CHCHD3: variants seen among roughly 807,000 people sequenced by gnomAD.
CHCHD3 encodes the protein MICOS complex subunit MIC19.
In CHCHD3, 20 loss-of-function variants were observed where a neutral mutation model predicts 38.2. The ratio of observed to expected loss-of-function variants is 0.52; its 90% confidence interval spans 0.37 to 0.76. The LOEUF is 0.76. Among genes scored for constraint, CHCHD3 ranks in the 30% least tolerant of loss-of-function variants. CHCHD3 has a pLI of 0.00. For missense variants in CHCHD3, 245 were observed against 279.2 expected, an observed-to-expected ratio of 0.88 and a Z score of 0.87; for synonymous variants, 82 against 100.0, an observed-to-expected ratio of 0.82 and a Z score of 1.07.
intron 2 of CHCHD3, among the ~76,000 whole-genome samples, chr7:133,036,711 C>T (rs777739742): frequency 1.3e-5 from 2 of 151,994 alleles, no homozygotes; most frequent in Non-Finnish European, 1.5e-5. Context: ...GATGAAATGC[C>T]GTAGAATGAG....
At chr7:133,071,088 A>C (rs1005804892) in intron 1 of CHCHD3, among the ~76,000 whole-genome samples, 1 of 152,192 alleles carries the variant, frequency 6.6e-6, no homozygotes, top group Non-Finnish European at 1.5e-5. Context: ...GCTCTGAGGA[A>C]CACACAGCCT....
chr7:132,907,939 T>C (rs10269919), intron 4 of CHCHD3, among the ~76,000 whole-genome samples: 3,451 of 149,292 alleles, frequency 0.023, 72 homozygotes, highest in East Asian at 0.11. Context: ...CAAACCACGG[T>C]CAAAAACCCA....
intron 3 of CHCHD3, among the ~76,000 whole-genome samples, chr7:132,986,742 T>C (rs960317719): frequency 6.6e-6 from 1 of 152,184 alleles, no homozygotes; most frequent in Non-Finnish European, 1.5e-5. Context: ...AAAAGTGCCC[T>C]ACTCTAGAAA....
intron 4 of CHCHD3, among the ~76,000 whole-genome samples, chr7:132,908,503 T>A (rs1264041693): frequency 6.6e-6 from 1 of 152,212 alleles, no homozygotes; most frequent in Non-Finnish European, 1.5e-5. Context: ...TGCACTTTCT[T>A]CTTATAAGTA....
chr7:132,859,037 C>T (rs1808417633), intron 5 of CHCHD3, among the ~76,000 whole-genome samples: 1 of 152,112 alleles, frequency 6.6e-6, no homozygotes, highest in African/African-American at 2.4e-5. Flanking sequence ...ATATGCTTAA[C>T]AGCTACAGTA....
chr7:132,949,722 T>C (rs1810992521), intron 4 of CHCHD3, among the ~76,000 whole-genome samples: 1 of 152,044 alleles, frequency 6.6e-6, no homozygotes, highest in Non-Finnish European at 1.5e-5. Context: ...AAATATGTCT[T>C]AAGACTTGTG....
rs141104583 is a variant in CHCHD3, at chr7:132,844,480, C to A, written c.454-6011G>T. Among the ~76,000 whole-genome samples, 456 of 152,266 alleles carry A rather than the reference C, an allele frequency of 3.0e-3. 1 individual carries two copies. The highest frequency in any genetic ancestry group is 0.011 in the African/African-American group (437 of 41,550). On this transcript the variant is annotated intron_variant, in intron 5 of 7. Transcript: ENST00000262570. ...CATATTCACTCTGCATATTGTCCTGCCCCATAAACAGCAGAAAAAATACTT... is the reference window on the plus strand; with the variant it reads ...CATATTCACTCTGCATATTGTCCTGACCCATAAACAGCAGAAAAAATACTT...
chr7:132,965,003 G>A (rs529748129), intron 4 of CHCHD3, among the ~76,000 whole-genome samples: 2 of 152,086 alleles, frequency 1.3e-5, no homozygotes, highest in African/African-American at 2.4e-5. Flanking sequence ...AGGCCTATTC[G>A]AGTAGTTACG....
intron 5 of CHCHD3, among the ~76,000 whole-genome samples, chr7:132,843,082 G>A (rs1585564216): frequency 6.6e-6 from 1 of 152,286 alleles, no homozygotes; most frequent in East Asian, 1.9e-4. Context: ...CTTTCGCCCA[G>A]GCTGGAGTCC....
At chr7:133,051,919 A>G (rs994749968) in intron 2 of CHCHD3, 3 of 152,238 alleles carry the variant, frequency 2.0e-5, no homozygotes, top group Non-Finnish European at 2.9e-5. Context: ...AATCTTAGAG[A>G]TAACAGTCCA....
intron 5 of CHCHD3, among the ~76,000 whole-genome samples, chr7:132,862,438 CA>C (rs992165247): frequency 6.6e-6 from 1 of 151,880 alleles, no homozygotes; most frequent in Non-Finnish European, 1.5e-5. Flanking sequence ...AGCATTATGT[CA>C]AAAAAAGTAC....
At chr7:133,075,661 C>T (rs1814965244) in intron 1 of CHCHD3, among the ~76,000 whole-genome samples, 1 of 152,204 alleles carries the variant, frequency 6.6e-6, no homozygotes. Flanking sequence ...CAGGATTATA[C>T]ACGCAATCTG....
At chr7:132,951,497 C>T (rs990517503) in intron 4 of CHCHD3, among the ~76,000 whole-genome samples, 2 of 152,178 alleles carry the variant, frequency 1.3e-5, no homozygotes, top group African/African-American at 4.8e-5. Flanking sequence ...CATATAACTA[C>T]ACTTTGGTCA....
chr7:132,940,554 C>T (rs1810739806), intron 4 of CHCHD3, among the ~76,000 whole-genome samples: 1 of 152,140 alleles, frequency 6.6e-6, no homozygotes, highest in African/African-American at 2.4e-5. Context: ...TAGGAATAAA[C>T]CATGGCCGTC....
rs1585653618 is a variant in CHCHD3 at position 132,936,057 on chromosome 7, T to C, written c.369+39112A>G. On this transcript the variant is annotated intron_variant, in intron 4 of 7. Transcript: ENST00000262570. ...TGCACTGAGAGGCCCACTCTCACAA[T>C]GGCAATTAAATTTTGATGTGAGTTT... Among the ~76,000 whole-genome samples, 5 of 152,280 alleles carry C rather than the reference T, an allele frequency of 3.3e-5. No individual in the cohort carries two copies. The South Asian group carries it at 1.0e-3, about 32-fold the overall frequency.
chr7:132,985,768 C>T (rs1467933801), intron 3 of CHCHD3, among the ~76,000 whole-genome samples: 3 of 93,092 alleles, frequency 3.2e-5, no homozygotes, highest in Non-Finnish European at 6.7e-5. Flanking sequence ...CCACCCCGTC[C>T]GGGAGGGAGG....
At chr7:132,884,572 T>C (rs59556712) in intron 5 of CHCHD3, among the ~76,000 whole-genome samples, 5,530 of 152,230 alleles carry the variant, frequency 0.036, 324 homozygotes, top group African/African-American at 0.12. Context: ...TATACATAAC[T>C]GTACTGAGTG....
intron 6 of CHCHD3, among the ~76,000 whole-genome samples, chr7:132,804,517 C>G (rs1806865818): frequency 1.3e-5 from 2 of 152,124 alleles, no homozygotes; most frequent in Admixed American, 6.5e-5. Context: ...CATTCCAGTA[C>G]CCCTACCTCT....
At chr7:132,936,153 G>A (rs546825197) in intron 4 of CHCHD3, among the ~76,000 whole-genome samples, 5 of 152,296 alleles carry the variant, frequency 3.3e-5, no homozygotes, top group African/African-American at 7.2e-5. Flanking sequence ...ATTTAAGAAC[G>A]TACGTGGAGT....
Sources: gnomAD v4.1 joint callset for allele counts (sites outside exome capture counted in the v4.1 genomes callset) on GRCh38, gnomAD v4.1.1 for gene constraint, MANE v1.5 for transcripts, NCBI Gene and HGNC (gene_info 2026-07-23, HGNC 2026-07-21) for gene names.